The following FRMD4A variants were observed in gnomAD, a reference collection of about 807,000 sequenced individuals.
FRMD4A encodes the protein FERM domain-containing protein 4A.
Under a neutral mutation model 129.1 loss-of-function variants are expected in FRMD4A, and 29 were observed. That is an observed-to-expected ratio of 0.22 (90% CI 0.17 to 0.31). The LOEUF is 0.31. Ranked by LOEUF, FRMD4A falls within the 10% of genes least tolerant of loss-of-function variation. FRMD4A has a pLI of 1.00. For missense variants in FRMD4A, 1,272 were observed against 1,375.8 expected (o/e 0.92, Z 1.19); for synonymous variants, 634 against 571.6 (o/e 1.11, Z -1.56).
chr10:14,111,107 A>C (rs1352216499), intron 2 of FRMD4A, among the ~76,000 whole-genome samples: 1 of 152,160 alleles, frequency 6.6e-6, no homozygotes, highest in Non-Finnish European at 1.5e-5. Context: ...CATCTTGCAA[A>C]ACAGAAATTT....
At chr10:14,179,401 AG>A (rs796072558) in intron 2 of FRMD4A, among the ~76,000 whole-genome samples, 68 of 152,266 alleles carry the variant, frequency 4.5e-4, no homozygotes, top group African/African-American at 1.6e-3. Context: ...TGGATAGAAA[AG>A]GTCTTCTTCC....
chr10:13,921,208 C>T (rs1410624254), intron 2 of FRMD4A, among the ~76,000 whole-genome samples: 4 of 152,028 alleles, frequency 2.6e-5, no homozygotes, highest in Non-Finnish European at 4.4e-5. Flanking sequence ...AGTTTTCTCT[C>T]TCTTTTTCTT....
rs1454589462 is a variant in FRMD4A, at chr10:13,790,072, T to C, written c.299+6424A>G. 3.3e-5 allele frequency among the ~76,000 whole-genome samples: 5 copies of C among 151,824 alleles called. No homozygotes were observed. The East Asian group carries it at 7.7e-4, about 24-fold the overall frequency. ...GCCCTAATTACTATTAGGCTGTGTA[T>C]GGAGAGTAAGAGATGGATAGGGAGC... On this transcript the variant is annotated intron_variant, in intron 5 of 24. Transcript: ENST00000357447.
intron 3 of FRMD4A, among the ~76,000 whole-genome samples, chr10:13,833,553 C>T (rs142069926): frequency 2.6e-5 from 4 of 152,232 alleles, no homozygotes; most frequent in Non-Finnish European, 4.4e-5. Context: ...GCCCTGTGCC[C>T]GGTGGTTAAG....
intron 2 of FRMD4A, among the ~76,000 whole-genome samples, chr10:14,203,762 G>A (rs57103114): frequency 2.0e-5 from 3 of 152,258 alleles, no homozygotes; most frequent in East Asian, 1.9e-4. Flanking sequence ...ATGCTAATGG[G>A]AATGCTCTAT....
chr10:13,697,532 G>A (rs545602027), intron 14 of FRMD4A, among the ~76,000 whole-genome samples: 1 of 152,166 alleles, frequency 6.6e-6, no homozygotes, highest in Non-Finnish European at 1.5e-5. Context: ...CATTGTCGGG[G>A]AGAGTCTCTC....
chr10:14,194,574 G>T (rs1842419494), intron 2 of FRMD4A, among the ~76,000 whole-genome samples: 1 of 152,112 alleles, frequency 6.6e-6, no homozygotes, highest in Admixed American at 6.5e-5. Context: ...TCGCACCACT[G>T]CACTCTCGCC....
intron 2 of FRMD4A, among the ~76,000 whole-genome samples, chr10:14,315,625 T>C (rs1007325396): frequency 6.6e-6 from 1 of 152,264 alleles, no homozygotes; most frequent in East Asian, 1.9e-4. Context: ...TTACAAGATA[T>C]GGATCAAGCT....
At position 13,939,124 on chromosome 10, in the gene FRMD4A, A is replaced by C. The variant is rs143617473; in HGVS notation, c.46-80212T>G. ...GAAGTGGCAGCTACACGGTAAGGCAAGACCATTGAAACAGCTGCAGGGAAT... is the reference window on the plus strand; with the variant it reads ...GAAGTGGCAGCTACACGGTAAGGCACGACCATTGAAACAGCTGCAGGGAAT... On this transcript the variant is annotated intron_variant, in intron 2 of 24. Coordinates refer to ENST00000357447, the MANE Select transcript of FRMD4A (RefSeq NM_018027.5). Among the ~76,000 whole-genome samples the C allele has an allele frequency of 1.2e-4, 19 of 152,326 alleles. No homozygotes were observed. In the East Asian group the frequency reaches 2.9e-3, roughly 23 times the overall value.
At chr10:13,757,613 C>G (rs2091916882) in intron 8 of FRMD4A, among the ~76,000 whole-genome samples, 1 of 152,242 alleles carries the variant, frequency 6.6e-6, no homozygotes, top group South Asian at 2.1e-4. Context: ...CTTCAGGCAT[C>G]TGCTGAGCAA....
intron 2 of FRMD4A, among the ~76,000 whole-genome samples, chr10:14,201,045 C>A (rs771833564): frequency 1.3e-5 from 2 of 152,200 alleles, no homozygotes; most frequent in Non-Finnish European, 2.9e-5. Context: ...CTTCCTTGGA[C>A]ACCAGCCCTA....
chr10:13,689,168 T>A (rs1231881819), intron 15 of FRMD4A, among the ~76,000 whole-genome samples: 2 of 110,956 alleles, frequency 1.8e-5, no homozygotes, highest in African/African-American at 6.0e-5. Context: ...GTCTTTTTTT[T>A]AAATCAATGA....
At chr10:14,187,019 T>A (rs959704030) in intron 2 of FRMD4A, among the ~76,000 whole-genome samples, 4 of 151,708 alleles carry the variant, frequency 2.6e-5, no homozygotes, top group Non-Finnish European at 4.4e-5. Context: ...CTAATCAGGT[T>A]AAGGCAAGAA....
Position 13,670,399 on chromosome 10 carries a change from G to T in FRMD4A, c.1374+7C>A. 1 of 1,612,464 alleles carries T rather than the reference G, an allele frequency of 6.2e-7. No homozygotes were observed. Among genetic ancestry groups the T allele is most frequent in the Middle Eastern group, 1.7e-4 (1 of 6,058 alleles). On this transcript the variant is annotated splice_region_variant and intron_variant, in intron 17 of 24. Coordinates refer to ENST00000357447, the MANE Select transcript of FRMD4A (RefSeq NM_018027.5). ...AGAGAATCCAACAACAGAAAGGAAG[G>T]ACGCACCTCTCCTTTGGGCAGGATT...
rs34629661 is a variant in FRMD4A at position 14,145,418 on chromosome 10, C to T, written c.45+184640G>A. On this transcript the variant is annotated intron_variant, in intron 2 of 24. Coordinates refer to ENST00000357447, the MANE Select transcript of FRMD4A (RefSeq NM_018027.5). ...TCAGTGTCTCAGAACCACGTCTGAG[C>T]GCTGCTCTTTAAGAGGGCTGTGGAC... 4.1e-3 allele frequency among the ~76,000 whole-genome samples: 617 copies of T among 152,248 alleles called. 1 individual carries two copies. Among genetic ancestry groups the T allele is most frequent in the Non-Finnish European group, 6.7e-3 (454 of 68,016 alleles).
At chr10:13,698,123 GGA>G (rs1191849760) in intron 14 of FRMD4A, among the ~76,000 whole-genome samples, 1 of 133,612 alleles carries the variant, frequency 7.5e-6, no homozygotes, top group Non-Finnish European at 1.7e-5. Context: ...AGAGAAAGAA[GGA>G]GAGATTTCCT....
rs368667513 is a variant in FRMD4A at position 13,803,143 on chromosome 10, C to T, written c.207-6555G>A. ...CAGCCTGGGTGACACAACAAGATTC[C>T]ATCTCAAAAAAAAAAAAAAAAGGGA... On this transcript the variant is annotated intron_variant, in intron 4 of 24. Transcript: ENST00000357447. 5.9e-3 allele frequency among the ~76,000 whole-genome samples: 363 copies of T among 61,812 alleles called. 2 individuals carry two copies. Among genetic ancestry groups the T allele is most frequent in the African/African-American group, 0.02 (340 of 16,808 alleles). The allele number at this position is 61,812 out of a possible 152,430, so 40.6% of individuals were successfully genotyped here.
chr10:13,727,875 T>A (rs901928132), intron 12 of FRMD4A: 5 of 152,280 alleles, frequency 3.3e-5, no homozygotes, highest in Non-Finnish European at 7.3e-5. Flanking sequence ...GGTTAGTACT[T>A]GGATGGGAGA....
chr10:13,886,411 T>A, intron 2 of FRMD4A, among the ~76,000 whole-genome samples: 1 of 152,138 alleles, frequency 6.6e-6, no homozygotes, highest in East Asian at 1.9e-4. Flanking sequence ...GGTTTGGGAT[T>A]CTGCATTAGG....
Sources: gnomAD v4.1 joint callset for allele counts (sites outside exome capture counted in the v4.1 genomes callset) on GRCh38, gnomAD v4.1.1 for gene constraint, MANE v1.5 for transcripts, NCBI Gene and HGNC (gene_info 2026-07-23, HGNC 2026-07-21) for gene names.